BCAS3: variants seen among roughly 807,000 people sequenced by gnomAD.
BCAS3 encodes the protein BCAS3 microtubule associated cell migration factor, also known as BCAS4/BCAS3 fusion.
Under a neutral mutation model 116.1 loss-of-function variants are expected in BCAS3, and 53 were observed. The observed-to-expected ratio is 0.46, with a 90% CI of 0.37 to 0.57. The LOEUF (loss-of-function observed/expected upper bound fraction) is 0.57, where lower values mean the gene tolerates loss of function less well. BCAS3 is among the 20% of genes least tolerant of loss of function. The probability of loss-of-function intolerance (pLI) is 0.00; values close to 1 mark genes in which losing one functional copy is unlikely to be tolerated. For missense variants in BCAS3, 917 were observed against 1,165.4 expected (o/e 0.79, Z 3.10); for synonymous variants, 391 against 408.2 (o/e 0.96, Z 0.51).
chr17:61,173,401 A>T (rs1006610034), intron 22 of BCAS3, among the ~76,000 whole-genome samples: 11 of 151,798 alleles, frequency 7.2e-5, no homozygotes, highest in Non-Finnish European at 1.0e-4. Flanking sequence ...GTGAACTGAG[A>T]TCACGCCACT....
At chr17:61,152,654 T>C (rs1166193406) in intron 22 of BCAS3, among the ~76,000 whole-genome samples, 1 of 152,150 alleles carries the variant, frequency 6.6e-6, no homozygotes, top group Non-Finnish European at 1.5e-5. Context: ...GATCCAGTTC[T>C]AAGTTTCAAT....
intron 3 of BCAS3, 152 bp from the exon 4 acceptor site, chr17:60,689,534 G>A: frequency 2.1e-6 from 1 of 485,336 alleles, no homozygotes; most frequent in Admixed American, 3.9e-5. Context: ...ATTCTTTGGG[G>A]GTAATAATGT....
At chr17:61,086,804 TAAGG>T (rs2073128288) in intron 22 of BCAS3, 1 of 985,318 alleles carries the variant, frequency 1.0e-6, no homozygotes, top group Admixed American at 6.2e-5. Flanking sequence ...GCCTCATAGA[TAAGG>T]AATTGGACTT....
chr17:61,368,191 G>T lies in BCAS3; in HGVS notation c.2426-136G>T, dbSNP rs1327332392. 4.5e-6 allele frequency: 4 copies of T among 895,156 alleles called. No individual in the cohort carries two copies. The African/African-American group carries it at 6.6e-5, about 15-fold the overall frequency. 55.5% of individuals were successfully genotyped at this position (895,156 alleles called of 1,614,324 possible). ...CTATTTCTCCTGCGCTACCCAGTCT[G>T]TTGGCGGCGTGCTTCCATCCTACAG... On this transcript the variant is annotated intron_variant, in intron 22 of 23. Transcript: ENST00000407086. The surrounding 1 kb of genome is among the most constrained non-coding windows in gnomAD (Gnocchi z 6.0).
At chr17:60,694,901 C>T (rs1360305758) in intron 4 of BCAS3, among the ~76,000 whole-genome samples, 1 of 152,058 alleles carries the variant, frequency 6.6e-6, no homozygotes, top group Non-Finnish European at 1.5e-5. Context: ...CAGTCTCTAC[C>T]TCCTCCCAGC....
intron 7 of BCAS3, among the ~76,000 whole-genome samples, chr17:60,838,292 T>C (rs1228919515): frequency 6.6e-6 from 1 of 152,068 alleles, no homozygotes; most frequent in Non-Finnish European, 1.5e-5. Context: ...ATGACTTCAT[T>C]TGATGTAATG....
At chr17:60,946,051 C>T (rs1206288801) in intron 13 of BCAS3, among the ~76,000 whole-genome samples, 8 of 151,862 alleles carry the variant, frequency 5.3e-5, no homozygotes, top group Admixed American at 3.9e-4. Context: ...ACCTGGGAGG[C>T]GGAGCTTGCA....
chr17:60,684,377 C>T (rs1598022548), intron 3 of BCAS3, among the ~76,000 whole-genome samples: 1 of 152,234 alleles, frequency 6.6e-6, no homozygotes, highest in South Asian at 2.1e-4. Flanking sequence ...ATACACTCTG[C>T]ACTCCTTAAC....
At chr17:61,272,537 G>A (rs1426961750) in intron 22 of BCAS3, among the ~76,000 whole-genome samples, 1 of 148,740 alleles carries the variant, frequency 6.7e-6, no homozygotes, top group African/African-American at 2.5e-5. Context: ...TACTCGGGAG[G>A]CTGAGGTGGG....
At chr17:61,210,325 G>T (rs904200193) in intron 22 of BCAS3, among the ~76,000 whole-genome samples, 3 of 152,108 alleles carry the variant, frequency 2.0e-5, no homozygotes, top group Non-Finnish European at 4.4e-5. Flanking sequence ...TGATCCTGTT[G>T]TATACAAAGG....
At chr17:60,861,606 G>C (rs997688475) in intron 7 of BCAS3, among the ~76,000 whole-genome samples, 1 of 151,984 alleles carries the variant, frequency 6.6e-6, no homozygotes, top group Non-Finnish European at 1.5e-5. Context: ...TTGCCTGTTC[G>C]GTATCGTGTT....
intron 4 of BCAS3, among the ~76,000 whole-genome samples, chr17:60,699,108 G>A (rs2036039092): frequency 1.3e-5 from 2 of 152,032 alleles, no homozygotes; most frequent in Non-Finnish European, 2.9e-5. Context: ...CAAAAAAACA[G>A]GATTCCGTCT....
chr17:61,164,388 C>T (rs2078358878), intron 22 of BCAS3, among the ~76,000 whole-genome samples: 1 of 151,978 alleles, frequency 6.6e-6, no homozygotes, highest in Non-Finnish European at 1.5e-5. Flanking sequence ...CATGGTAGTT[C>T]ACACCTGTAA....
rs560093053 is a variant in BCAS3, at chr17:60,704,930, T to G, written c.215-4289T>G. 6.6e-5 allele frequency among the ~76,000 whole-genome samples: 10 copies of G among 152,196 alleles called. No homozygotes were observed. The East Asian group carries it at 1.7e-3, about 27-fold the overall frequency. Reference sequence around the variant, plus strand: ...CCCCAAAAGTATGGAAGTGGTCTACTTGCCCCCAGACACGGTGTCTCTATC... The same window carrying G: ...CCCCAAAAGTATGGAAGTGGTCTACGTGCCCCCAGACACGGTGTCTCTATC... On this transcript the variant is annotated intron_variant, in intron 4 of 23. Coordinates refer to ENST00000407086, the MANE Select transcript of BCAS3 (RefSeq NM_017679.5).
At chr17:60,984,685 G>T (rs138596922) in intron 14 of BCAS3, among the ~76,000 whole-genome samples, 11 of 152,050 alleles carry the variant, frequency 7.2e-5, no homozygotes, top group African/African-American at 2.7e-4. Flanking sequence ...GTACATAGTA[G>T]GTAGTTATAT....
At chr17:60,977,371 C>T (rs968076796) in intron 14 of BCAS3, among the ~76,000 whole-genome samples, 6 of 151,996 alleles carry the variant, frequency 3.9e-5, no homozygotes, top group African/African-American at 1.5e-4. Context: ...TTTGTAGACA[C>T]AAGGTTTCAC....
Position 61,128,474 on chromosome 17 carries a change from G to T in BCAS3, c.2425+43910G>T. Reference sequence around the variant, plus strand: ...TAATAATAGATTTGGAGAATGTTCTGTGTTTTCAAAGACAGAGGTTAACAA... The same window carrying T: ...TAATAATAGATTTGGAGAATGTTCTTTGTTTTCAAAGACAGAGGTTAACAA... On this transcript the variant is annotated intron_variant, in intron 22 of 23. Coordinates refer to ENST00000407086, the MANE Select transcript of BCAS3 (RefSeq NM_017679.5). This position sits in a 1 kb window ranked among gnomAD's most constrained non-coding sequence, Gnocchi z 4.1. 1.0e-6 allele frequency: 1 copy of T among 985,402 alleles called. No homozygotes were observed. Among genetic ancestry groups the T allele is most frequent in the Non-Finnish European group, 1.2e-6 (1 of 829,932 alleles). The allele number at this position is 985,402 out of a possible 1,614,324, so 61.0% of individuals were successfully genotyped here.
intron 5 of BCAS3, among the ~76,000 whole-genome samples, chr17:60,716,321 AAAG>A (rs1336069938): frequency 6.6e-6 from 1 of 152,240 alleles, no homozygotes; most frequent in Non-Finnish European, 1.5e-5. Context: ...AATATGAAAA[AAAG>A]CATGACATGT....
intron 22 of BCAS3, among the ~76,000 whole-genome samples, chr17:61,183,213 A>G (rs1334885233): frequency 6.6e-6 from 1 of 152,168 alleles, no homozygotes; most frequent in Non-Finnish European, 1.5e-5. Flanking sequence ...AAAAGAAAAC[A>G]TTACTTTAAA....
Sources: gnomAD v4.1 joint callset for allele counts (sites outside exome capture counted in the v4.1 genomes callset) on GRCh38, gnomAD v4.1.1 for gene constraint, Gnocchi (gnomAD v3.1) non-coding constraint, MANE v1.5 for transcripts, NCBI Gene and HGNC (gene_info 2026-07-23, HGNC 2026-07-21) for gene names.